The following PEX19 variants were observed in gnomAD, a reference collection of about 807,000 sequenced individuals.
The protein encoded by PEX19 is peroxisomal biogenesis factor 19.
A neutral mutation model predicts 36.3 loss-of-function variants in PEX19; 29 were observed. The ratio of observed to expected loss-of-function variants is 0.80; its 90% CI spans 0.60 to 1.09. PEX19 has a LOEUF of 1.09. Among genes scored for constraint, PEX19 ranks in the 50% least tolerant of loss-of-function variants. PEX19 has a pLI of 0.00. For missense variants in PEX19, 396 were observed against 368.1 expected (o/e 1.08, Z -0.62); for synonymous variants, 141 against 135.2 (o/e 1.04, Z -0.30).
chr1:160,277,317 A>G lies in PEX19; in HGVS notation c.*2234T>C. On this transcript the variant is annotated 3_prime_UTR_variant, in exon 8 of 8. Coordinates refer to ENST00000368072, the MANE Select transcript of PEX19 (RefSeq NM_002857.4). ...AGTACATGATCAATGGACTTAACCT[A>G]CAGAACAGTCTGGCCAGTTTGGGTG... 2.2e-6 allele frequency: 1 copy of G among 456,006 alleles called. No homozygotes were observed. The highest frequency in any genetic ancestry group is 4.4e-6 in the Non-Finnish European group (1 of 226,786). 28.2% of individuals were successfully genotyped at this position (456,006 alleles called of 1,614,324 possible).
In PEX19 at chr1:160,277,886, G is replaced by T; in HGVS notation, c.*1665C>A. On this transcript the variant is annotated 3_prime_UTR_variant, in exon 8 of 8. Transcript: ENST00000368072. ...AGAGACGTTTTACATTCAGATCTGG[G>T]CTCTTCCATGCTCTGGTAAGGTATA... The T allele has an allele frequency of 1.5e-6, 1 of 665,438 alleles. No individual in the cohort carries two copies. Among genetic ancestry groups the T allele is most frequent in the Non-Finnish European group, 2.7e-6 (1 of 364,090 alleles). The allele number at this position is 665,438 out of a possible 1,614,324, so 41.2% of individuals were successfully genotyped here. A position where few individuals can be genotyped will look rare whatever the true frequency, so the allele number is the denominator to read the frequency against.
Position 160,277,253 on chromosome 1 carries a change from TA to T in PEX19, c.*2297del, listed in dbSNP as rs1438703907. Reference sequence around the variant, plus strand: ...TGGTGAATTAGAAATTGAGAGTGTTTAAAAACTTTTTAGCATTTCAATGTTG... The same window carrying T: ...TGGTGAATTAGAAATTGAGAGTGTTTAAAACTTTTTAGCATTTCAATGTTG... On this transcript the variant is annotated 3_prime_UTR_variant, in exon 8 of 8. Coordinates refer to ENST00000368072, the MANE Select transcript of PEX19 (RefSeq NM_002857.4). The T allele has an allele frequency of 4.4e-6, 2 of 456,016 alleles. No individual in the cohort carries two copies. The highest frequency in any genetic ancestry group is 8.8e-6 in the Non-Finnish European group (2 of 226,782). The allele number at this position is 456,016 out of a possible 1,614,324, so 28.2% of individuals were successfully genotyped here. A position where few individuals can be genotyped will look rare whatever the true frequency, so the allele number is the denominator to read the frequency against.
chr1:160,283,767 T>C (rs752227548), intron 1 of PEX19, 128 bp from the exon 2 acceptor site: 42 of 760,958 alleles, frequency 5.5e-5, no homozygotes, highest in Non-Finnish European at 8.0e-5. Flanking sequence ...ATTTTCCTCC[T>C]TGAGTCCCCC....
chr1:160,285,110 C>G lies in PEX19; in HGVS notation c.15G>C (p.Glu5Asp), dbSNP rs755240197. Residue 5 changes from glutamate to aspartate, a missense_variant, in exon 1 of 8, where the codon GAG becomes GAC. Transcript: ENST00000368072. The part of the protein sequence containing the change: MAAA[E>D]EGCSVGAEAD... The stretch of plus-strand genomic sequence containing the variant: ...CTTCGGCCCCGACACTACAGCCTTC[C>G]TCAGCGGCGGCCATCTTGCTACCTC... 7.4e-6 allele frequency: 12 copies of G among 1,614,016 alleles called. No homozygotes were observed. The highest frequency in any genetic ancestry group is 1.0e-5 in the Non-Finnish European group (12 of 1,179,910).
At chr1:160,282,741 T>G in intron 3 of PEX19, 1 of 696,232 alleles carries the variant, frequency 1.4e-6, no homozygotes, top group East Asian at 2.7e-5. Flanking sequence ...ATGGTCAGTT[T>G]TGAATAATGT....
At chr1:160,284,050 A>C (rs529022650) in intron 1 of PEX19, 2 of 471,962 alleles carry the variant, frequency 4.2e-6, no homozygotes, top group East Asian at 1.4e-4. Context: ...TCTAAAAGGA[A>C]TAACTTGGTG....
In PEX19 at chr1:160,282,211, C is replaced by G. The variant is rs41265791; in HGVS notation, c.433-11G>C. The G allele has an allele frequency of 6.2e-7, 1 of 1,613,910 alleles. No individual in the cohort carries two copies. The highest frequency in any genetic ancestry group is 1.7e-5 in the Admixed American group (1 of 60,014). On this transcript the variant is annotated splice_polypyrimidine_tract_variant and intron_variant, in intron 4 of 7. Coordinates refer to ENST00000368072, the MANE Select transcript of PEX19 (RefSeq NM_002857.4). ...CGACATGCTGGAGTTCTAGATAGGA[C>G]AAGTAAGAGGTGAGCAGGTATACTA...
chr1:160,283,465 C>T (rs1269478023), intron 2 of PEX19, 65 bp downstream of exon 2: 4 of 1,230,870 alleles, frequency 3.2e-6, no homozygotes, highest in Admixed American at 3.9e-5. Flanking sequence ...TAGGGGCCTG[C>T]CCAACCTCTG....
chr1:160,283,975 C>T (rs1264198832), intron 1 of PEX19, among the ~76,000 whole-genome samples: 3 of 152,228 alleles, frequency 2.0e-5, no homozygotes, highest in African/African-American at 7.2e-5. Flanking sequence ...CTAGAAATCC[C>T]ATACAAATAC....
Position 160,276,843 on chromosome 1 carries a change from T to C in PEX19, c.*2708A>G. ...AAAAAGTCTGTATTAATTCAATTCT[T>C]AATTCATGAAGCCACCCATACAATC... On this transcript the variant is annotated 3_prime_UTR_variant, in exon 8 of 8. Coordinates refer to ENST00000368072, the MANE Select transcript of PEX19 (RefSeq NM_002857.4). 1 of 398,068 alleles carries C rather than the reference T, an allele frequency of 2.5e-6. No homozygotes were observed. The highest frequency in any genetic ancestry group is 1.9e-5 in the South Asian group (1 of 53,084). The allele number at this position is 398,068 out of a possible 1,614,324, so 24.7% of individuals were successfully genotyped here. A position where few individuals can be genotyped will look rare whatever the true frequency, so the allele number is the denominator to read the frequency against.
Position 160,283,061 on chromosome 1 carries a change from TGTCGAATA to T in PEX19, c.221_228del (p.Leu74GlnfsTer2). On this transcript the variant is annotated frameshift_variant, in exon 3 of 8. Transcript: ENST00000368072. LOFTEE classifies it high-confidence loss of function. ...GCAGTGGCTTGGGAAGCCAGTTCAC[TGTCGAATA>T]GTTCCTGGAAAAACTTCTCTTGGGA... is the stretch of plus-strand genomic sequence containing the variant. 1 of 1,614,164 alleles carries T rather than the reference TGTCGAATA, an allele frequency of 6.2e-7. No homozygotes were observed. The highest frequency in any genetic ancestry group is 1.1e-5 in the South Asian group (1 of 91,078).
Position 160,279,148 on chromosome 1 carries a change from T to C in PEX19, c.*403A>G. ...ATAGAAATACAGAGTCCCAGGTCTC[T>C]GCCCCTCCTCCCCAGATCCAAGAGA... On this transcript the variant is annotated 3_prime_UTR_variant, in exon 8 of 8. Coordinates refer to ENST00000368072, the MANE Select transcript of PEX19 (RefSeq NM_002857.4). The C allele has an allele frequency of 2.2e-6, 1 of 454,242 alleles. No individual in the cohort carries two copies. The highest frequency in any genetic ancestry group is 1.6e-5 in the South Asian group (1 of 64,146). 28.1% of individuals were successfully genotyped at this position (454,242 alleles called of 1,614,324 possible).
At position 160,278,241 on chromosome 1, in the gene PEX19, T is replaced by C. The variant is rs1258627860; in HGVS notation, c.*1310A>G. 4.3e-6 allele frequency: 3 copies of C among 701,088 alleles called. No homozygotes were observed. Among genetic ancestry groups the C allele is most frequent in the Admixed American group, 2.0e-5 (1 of 49,984 alleles). 43.4% of individuals were successfully genotyped at this position (701,088 alleles called of 1,614,324 possible). The stretch of plus-strand genomic sequence containing the variant: ...CATAACAATATATTACTAACATTAA[T>C]AACAATAATGTAAAAGGTTAAAATA... On this transcript the variant is annotated 3_prime_UTR_variant, in exon 8 of 8. Coordinates refer to ENST00000368072, the MANE Select transcript of PEX19 (RefSeq NM_002857.4).
At chr1:160,281,551 G>T (rs1001362856) in intron 5 of PEX19, among the ~76,000 whole-genome samples, 1 of 152,268 alleles carries the variant, frequency 6.6e-6, no homozygotes, top group South Asian at 2.1e-4. Flanking sequence ...GATCACAGGC[G>T]TGAGCCACTA....
rs761372588 is a variant in PEX19, at chr1:160,280,224, T to A, written c.617A>T (p.His206Leu). ...CTGCTCTGGAGGTAGAGATTCCCGA[T>A]GACTCTGCAACCATTCTGGATACTA... ...TEKYPEWLQSHRESLPPEQFE... is the reference protein window; with the variant it reads ...TEKYPEWLQSLRESLPPEQFE... The change falls in exon 6 of 8, where the codon CAT (histidine) becomes CTT (leucine). Residue 206 changes from histidine to leucine, a missense_variant. Coordinates refer to ENST00000368072, the MANE Select transcript of PEX19 (RefSeq NM_002857.4). 5.2e-5 allele frequency: 84 copies of A among 1,613,942 alleles called. No individual in the cohort carries two copies. Among genetic ancestry groups the A allele is most frequent in the Non-Finnish European group, 5.9e-5 (70 of 1,179,942 alleles).
chr1:160,279,672 T>A (rs780736261), intron 7 of PEX19, 38 bp from the exon 8 acceptor site: 1 of 1,581,794 alleles, frequency 6.3e-7, no homozygotes. Flanking sequence ...AGTTGCTCAT[T>A]TTTTAGGACA....
rs1382177914 is a variant in PEX19, at chr1:160,278,091, G to C, written c.*1460C>G. 1.4e-6 allele frequency: 1 copy of C among 702,436 alleles called. No individual in the cohort carries two copies. Among genetic ancestry groups the C allele is most frequent in the African/African-American group, 1.7e-5 (1 of 57,244 alleles). 43.5% of individuals were successfully genotyped at this position (702,436 alleles called of 1,614,324 possible). ...TGCTTTGGAGAGACTTATCTTCTGA[G>C]TGAACCAGGACAGCCAGCTGAGCTG... On this transcript the variant is annotated 3_prime_UTR_variant, in exon 8 of 8. Transcript: ENST00000368072.
In PEX19 at chr1:160,282,833, T is replaced by C; in HGVS notation, c.346+111A>G. 2.5e-6 allele frequency: 3 copies of C among 1,183,164 alleles called. No individual in the cohort carries two copies. In the Admixed American group the frequency reaches 5.3e-5, roughly 21 times the overall value. The allele number at this position is 1,183,164 out of a possible 1,614,324, so 73.3% of individuals were successfully genotyped here. ...TTCTCTCATTGCCTTTACCCGTTCC[T>C]TGGCTGTGACATCATGATTGCTATC... On this transcript the variant is annotated intron_variant, in intron 3 of 7. Coordinates refer to ENST00000368072, the MANE Select transcript of PEX19 (RefSeq NM_002857.4).
chr1:160,278,336 T>G lies in PEX19; in HGVS notation c.*1215A>C. The G allele has an allele frequency of 1.5e-6, 1 of 688,928 alleles. No individual in the cohort carries two copies. Among genetic ancestry groups the G allele is most frequent in the Non-Finnish European group, 2.6e-6 (1 of 378,226 alleles). 42.7% of individuals were successfully genotyped at this position (688,928 alleles called of 1,614,324 possible). A position where few individuals can be genotyped will look rare whatever the true frequency, so the allele number is the denominator to read the frequency against. On this transcript the variant is annotated 3_prime_UTR_variant, in exon 8 of 8. Coordinates refer to ENST00000368072, the MANE Select transcript of PEX19 (RefSeq NM_002857.4). ...CATGAGGAAAGATGGCCATCCAGTC[T>G]CCTTTGCCAACTGAGGTGCAGACTG...
Sources: allele counts gnomAD v4.1 joint callset (sites outside exome capture counted in the v4.1 genomes callset), GRCh38; gene constraint gnomAD v4.1.1; transcripts MANE v1.5; gene names NCBI Gene and HGNC (gene_info 2026-07-23, HGNC 2026-07-21).